Variants in IQGAP2 observed in about 807,000 individuals in gnomAD.
The protein encoded by IQGAP2 is ras GTPase-activating-like protein IQGAP2.
In IQGAP2, 173 loss-of-function variants were observed where a neutral mutation model predicts 201.3. The observed-to-expected ratio is 0.86, with a 90% CI of 0.76 to 0.98. The LOEUF (loss-of-function observed/expected upper bound fraction) is 0.98, where lower values mean the gene tolerates loss of function less well. Ranked by LOEUF, IQGAP2 falls within the 50% of genes least tolerant of loss-of-function variation. IQGAP2 has a pLI of 0.00. For synonymous variants in IQGAP2, 675 were observed against 673.9 expected (o/e 1.00, Z -0.03); for missense variants, 1,687 against 1,864.8 (o/e 0.90, Z 1.76).
intron 2 of IQGAP2, among the ~76,000 whole-genome samples, chr5:76,486,394 T>C (rs748654122): frequency 1.3e-5 from 2 of 152,216 alleles, no homozygotes; most frequent in African/African-American, 4.8e-5. Context: ...CATCAAATGA[T>C]TTTACCATGT....
At chr5:76,414,958 C>T (rs4296785) in intron 1 of IQGAP2, among the ~76,000 whole-genome samples, 58,593 of 152,176 alleles carry the variant, frequency 0.39, 17,136 homozygotes, top group African/African-American at 0.81. Context: ...TCTCTGAAAA[C>T]GTGTACCTTT....
intron 30 of IQGAP2, among the ~76,000 whole-genome samples, chr5:76,686,138 C>T (rs988502244): frequency 6.6e-6 from 1 of 152,080 alleles, no homozygotes; most frequent in Non-Finnish European, 1.5e-5. Flanking sequence ...ACTCCTTTGT[C>T]CATTTTAAAA....
intron 1 of IQGAP2, among the ~76,000 whole-genome samples, chr5:76,451,773 G>A (rs990848145): frequency 2.9e-4 from 44 of 152,070 alleles, no homozygotes; most frequent in Admixed American, 1.7e-3. Context: ...AGTGGCTCAC[G>A]CCTGTAATCT....
intron 2 of IQGAP2, among the ~76,000 whole-genome samples, chr5:76,561,590 G>C (rs1006858148): frequency 6.6e-6 from 1 of 152,160 alleles, no homozygotes; most frequent in African/African-American, 2.4e-5. Context: ...CTTGCAGTAG[G>C]TAATAGTTAC....
At chr5:76,534,763 A>G (rs1265233518) in intron 2 of IQGAP2, among the ~76,000 whole-genome samples, 2 of 152,234 alleles carry the variant, frequency 1.3e-5, no homozygotes, top group South Asian at 4.1e-4. Context: ...CCTACGTTTC[A>G]CAGTCAGATC....
At chr5:76,589,851 T>G in intron 7 of IQGAP2, 123 bp downstream of exon 7, 2 of 496,604 alleles carry the variant, frequency 4.0e-6, no homozygotes, top group Non-Finnish European at 7.1e-6. Context: ...AAGTTTTTAT[T>G]ATTTGTTTTA....
chr5:76,688,601 C>T (rs1394370975), intron 30 of IQGAP2, among the ~76,000 whole-genome samples: 3 of 152,140 alleles, frequency 2.0e-5, no homozygotes, highest in Admixed American at 6.5e-5. Context: ...CTCTTTGGAG[C>T]GTTTTGAATT....
At position 76,679,420 on chromosome 5, in the gene IQGAP2, G is replaced by A. The variant is rs542624220; in HGVS notation, c.3660+2070G>A. Among the ~76,000 whole-genome samples, 20 of 152,318 alleles carry A rather than the reference G, an allele frequency of 1.3e-4. 3 individuals are homozygous for A. Among genetic ancestry groups the A allele is most frequent in the African/African-American group, 4.8e-4 (20 of 41,568 alleles). On this transcript the variant is annotated intron_variant, in intron 28 of 35. Coordinates refer to ENST00000274364, the MANE Select transcript of IQGAP2 (RefSeq NM_006633.5). ...TGTGGGGAAATTGTGTAATTTCATA[G>A]GAAGACTGTCCTGTTTACTGTCTGC...
intron 31 of IQGAP2, among the ~76,000 whole-genome samples, chr5:76,695,166 C>T (rs571270617): frequency 6.6e-6 from 1 of 152,178 alleles, no homozygotes; most frequent in Non-Finnish European, 1.5e-5. Flanking sequence ...ATGTGGGGAA[C>T]AAAGTAGCAG....
At chr5:76,641,326 C>T (rs988859024) in intron 17 of IQGAP2, among the ~76,000 whole-genome samples, 2 of 152,160 alleles carry the variant, frequency 1.3e-5, no homozygotes, top group Non-Finnish European at 2.9e-5. Context: ...TTTAGGAGCA[C>T]CGCAGATTTG....
At chr5:76,586,028 T>G (rs988515658) in intron 5 of IQGAP2, among the ~76,000 whole-genome samples, 10 of 152,330 alleles carry the variant, frequency 6.6e-5, no homozygotes, top group African/African-American at 2.4e-4. Context: ...AATTGGTTCA[T>G]AAAATATTAT....
intron 2 of IQGAP2, among the ~76,000 whole-genome samples, chr5:76,546,457 C>T (rs1343347499): frequency 6.6e-6 from 1 of 152,016 alleles, no homozygotes; most frequent in Admixed American, 6.6e-5. Context: ...CAATACACCA[C>T]TTTTTATTTG....
intron 30 of IQGAP2, 31 bp downstream of exon 30, chr5:76,683,948 C>G (rs1263875492): frequency 1.3e-6 from 2 of 1,574,940 alleles, no homozygotes; most frequent in African/African-American, 1.4e-5. Context: ...GCACATGTCT[C>G]CAAATACACA....
At chr5:76,692,037 A>G (rs987155799) in intron 30 of IQGAP2, among the ~76,000 whole-genome samples, 1 of 152,220 alleles carries the variant, frequency 6.6e-6, no homozygotes, top group Non-Finnish European at 1.5e-5. Flanking sequence ...AAATGCAATA[A>G]CGGGACTACA....
chr5:76,451,838 C>A (rs1445239154), intron 1 of IQGAP2, among the ~76,000 whole-genome samples: 1 of 152,202 alleles, frequency 6.6e-6, no homozygotes, highest in Non-Finnish European at 1.5e-5. Context: ...AGTTCAAAAC[C>A]AGCCTGGCCA....
intron 2 of IQGAP2, among the ~76,000 whole-genome samples, chr5:76,485,000 T>G (rs538098000): frequency 2.1e-4 from 32 of 152,322 alleles, no homozygotes; most frequent in African/African-American, 7.7e-4. Flanking sequence ...GGCTATGCTT[T>G]TAATTTTTTG....
rs1742974131 is a variant in IQGAP2 at position 76,658,677 on chromosome 5, G to A, written c.2529+10G>A. On this transcript the variant is annotated intron_variant, in intron 21 of 35. Coordinates refer to ENST00000274364, the MANE Select transcript of IQGAP2 (RefSeq NM_006633.5). ...CAGGATCACACTAGAGGTCAGTGGG[G>A]TTTTTGGGACTGTCAGCTCCCAGAA... 6.2e-7 allele frequency: 1 copy of A among 1,611,276 alleles called. No homozygotes were observed. Among genetic ancestry groups the A allele is most frequent in the African/African-American group, 1.3e-5 (1 of 74,946 alleles).
chr5:76,515,496 A>T (rs1163051936), intron 2 of IQGAP2, among the ~76,000 whole-genome samples: 1 of 152,230 alleles, frequency 6.6e-6, no homozygotes, highest in Non-Finnish European at 1.5e-5. Flanking sequence ...AATATTTAGC[A>T]ACTCAGTTAT....
At position 76,606,194 on chromosome 5, in the gene IQGAP2, ACT is replaced by A; in HGVS notation, c.1253_1254del (p.Ser418CysfsTer2). The A allele has an allele frequency of 1.9e-6, 3 of 1,601,858 alleles. No homozygotes were observed. Among genetic ancestry groups the A allele is most frequent in the Non-Finnish European group, 2.6e-6 (3 of 1,173,706 alleles). The stretch of plus-strand genomic sequence containing the variant: ...TCTTCCACAGTTATGCAAACACACT[ACT>A]CTCTGTTAAACTAGAAGTTTTATCC... The part of the protein sequence containing the change: ...AYVERYANTL[L>X]SVKLEVLSQG... On this transcript the variant is annotated frameshift_variant, in exon 12 of 36. Coordinates refer to ENST00000274364, the MANE Select transcript of IQGAP2 (RefSeq NM_006633.5). LOFTEE classifies it high-confidence loss of function.
Sources: allele counts gnomAD v4.1 joint callset (sites outside exome capture counted in the v4.1 genomes callset), GRCh38; gene constraint gnomAD v4.1.1; transcripts MANE v1.5; gene names NCBI Gene and HGNC (gene_info 2026-07-23, HGNC 2026-07-21).